Variants in TENM4 observed in about 807,000 individuals in gnomAD.
TENM4 encodes the protein teneurin transmembrane protein 4.
A neutral mutation model predicts 243.3 loss-of-function variants in TENM4; 82 were observed. That is an observed-to-expected ratio of 0.34 (90% CI 0.28 to 0.40). The LOEUF (loss-of-function observed/expected upper bound fraction) is 0.40, where lower values mean the gene tolerates loss of function less well. Ranked by LOEUF, TENM4 falls within the 10% of genes least tolerant of loss-of-function variation. The pLI is 1.00. For synonymous variants in TENM4, 1,412 were observed against 1,456.3 expected (o/e 0.97, Z 0.69); for missense variants, 3,138 against 3,673.3 (o/e 0.85, Z 3.77).
intron 9 of TENM4, among the ~76,000 whole-genome samples, chr11:78,889,567 A>G (rs999122259): frequency 6.6e-6 from 1 of 152,178 alleles, no homozygotes; most frequent in Non-Finnish European, 1.5e-5. Context: ...CCTTCCTGAT[A>G]TAAGTGCAGA....
chr11:79,178,683 A>G (rs1863221482), intron 3 of TENM4, among the ~76,000 whole-genome samples: 1 of 152,122 alleles, frequency 6.6e-6, no homozygotes, highest in African/African-American at 2.4e-5. Flanking sequence ...GATAGCGGGG[A>G]GAAAGGTTGA....
At chr11:79,059,969 C>T (rs1591249837) in intron 6 of TENM4, among the ~76,000 whole-genome samples, 1 of 152,226 alleles carries the variant, frequency 6.6e-6, no homozygotes, top group African/African-American at 2.4e-5. Flanking sequence ...AAGGTGGTCA[C>T]AGCCCTGCCT....
intron 4 of TENM4, among the ~76,000 whole-genome samples, chr11:79,144,777 G>A (rs1053654214): frequency 6.6e-6 from 1 of 152,024 alleles, no homozygotes; most frequent in Non-Finnish European, 1.5e-5. Flanking sequence ...GATTACCAGA[G>A]GTTGGGAAGG....
intron 3 of TENM4, among the ~76,000 whole-genome samples, chr11:79,171,886 T>C (rs547793478): frequency 6.6e-6 from 1 of 152,340 alleles, no homozygotes; most frequent in East Asian, 1.9e-4. Context: ...TTCTCTAAGC[T>C]GGGGTAACCA....
chr11:78,805,277 T>TCCCCACCCACCACACCCCC lies in TENM4; in HGVS notation c.2179+14_2179+15insGGGGGTGTGGTGGGTGGGG. 1.5e-5 allele frequency: 21 copies of TCCCCACCCACCACACCCCC among 1,402,536 alleles called. No homozygotes were observed. The highest frequency in any genetic ancestry group is 2.9e-5 in the African/African-American group (2 of 68,156). 86.9% of individuals were successfully genotyped at this position (1,402,536 alleles called of 1,614,324 possible). On this transcript the variant is annotated intron_variant, in intron 15 of 33. Coordinates refer to ENST00000278550, the MANE Select transcript of TENM4 (RefSeq NM_001098816.3). ...CCCCTCCCTCTACCCATGCTTCTTC[T>TCCCCACCCACCACACCCCC]CCCCCTGCATTTACCGATAGAACAG...
In TENM4 at chr11:79,381,746, A is replaced by G. The variant is rs191541884; in HGVS notation, c.-321+58763T>C. On this transcript the variant is annotated intron_variant, in intron 1 of 33. Transcript: ENST00000278550. ...CACTATTTCATATGTTCCTCCTGACAGCCATATGAAGTCAGTACTCATGTT... is the reference window on the plus strand; with the variant it reads ...CACTATTTCATATGTTCCTCCTGACGGCCATATGAAGTCAGTACTCATGTT... Among the ~76,000 whole-genome samples the G allele has an allele frequency of 3.9e-3, 590 of 152,098 alleles. 15 individuals carry two copies. The highest frequency in any genetic ancestry group is 0.032 in the Admixed American group (493 of 15,268).
At chr11:79,366,802 G>T (rs886411477) in intron 1 of TENM4, among the ~76,000 whole-genome samples, 1 of 152,142 alleles carries the variant, frequency 6.6e-6, no homozygotes, top group African/African-American at 2.4e-5. Context: ...AAACACAGGA[G>T]AAATCACATC....
chr11:78,875,394 G>C (rs1392672329), intron 9 of TENM4, among the ~76,000 whole-genome samples: 1 of 152,118 alleles, frequency 6.6e-6, no homozygotes, highest in South Asian at 2.1e-4. Flanking sequence ...AGTAGAGACA[G>C]GGTTCCAACA....
At chr11:79,043,526 C>T (rs528966195) in intron 6 of TENM4, among the ~76,000 whole-genome samples, 1 of 152,232 alleles carries the variant, frequency 6.6e-6, no homozygotes, top group African/African-American at 2.4e-5. Context: ...ATGTTGGGTA[C>T]ATAACATGAG....
At chr11:78,689,869 G>C (rs558626270) in intron 28 of TENM4, among the ~76,000 whole-genome samples, 100 of 152,306 alleles carry the variant, frequency 6.6e-4, no homozygotes, top group African/African-American at 2.3e-3. Flanking sequence ...TATCACCCCT[G>C]TTTTTGTCCT....
rs1283068356 is a variant in TENM4 at position 79,438,201 on chromosome 11, G to A, written c.-321+2308C>T. Among the ~76,000 whole-genome samples, 1 of 152,134 alleles carries A rather than the reference G, an allele frequency of 6.6e-6. No individual in the cohort carries two copies. The highest frequency in any genetic ancestry group is 1.5e-5 in the Non-Finnish European group (1 of 68,018). ...CAGGGCCAATGTGTCCCAGACTTCA[G>A]CGTTCCCCACGGCTGTGTCAGGGCT... On this transcript the variant is annotated intron_variant, in intron 1 of 33. Transcript: ENST00000278550. This position sits in a 1 kb window ranked among gnomAD's most constrained non-coding sequence, Gnocchi z 4.1.
At chr11:78,947,195 G>T (rs941209984) in intron 6 of TENM4, among the ~76,000 whole-genome samples, 1 of 152,180 alleles carries the variant, frequency 6.6e-6, no homozygotes, top group Admixed American at 6.5e-5. Flanking sequence ...CTGGTCTCAC[G>T]TACACAGTGA....
chr11:79,344,177 A>C (rs991972303), intron 1 of TENM4, among the ~76,000 whole-genome samples: 5 of 152,218 alleles, frequency 3.3e-5, no homozygotes, highest in Non-Finnish European at 7.3e-5. Context: ...ATGAATGAGC[A>C]TATGGAAACT....
intron 2 of TENM4, among the ~76,000 whole-genome samples, chr11:79,236,736 C>T (rs1864481476): frequency 6.6e-6 from 1 of 152,140 alleles, no homozygotes; most frequent in Non-Finnish European, 1.5e-5. Context: ...CAGCTGGAAA[C>T]AATATACTGA....
chr11:78,842,758 C>A (rs367852468), intron 12 of TENM4, among the ~76,000 whole-genome samples: 6 of 152,242 alleles, frequency 3.9e-5, no homozygotes, highest in African/African-American at 1.4e-4. Flanking sequence ...CAAACTCTAG[C>A]CCCTTCACTA....
rs754703622 is a variant in TENM4 at position 78,669,492 on chromosome 11, C to T, written c.6853G>A (p.Gly2285Ser). The change falls in exon 32 of 34, where the codon GGC becomes AGC. Residue 2285 changes from glycine to serine, a missense_variant. Gly to Ser is a moderately conservative substitution (Grantham distance 56). Coordinates refer to ENST00000278550, the MANE Select transcript of TENM4 (RefSeq NM_001098816.3). The surrounding 1 kb of genome is among the most constrained non-coding windows in gnomAD (Gnocchi z 6.4). ...TAGCGGTACCTGACACTCCAGCTGC[C>T]AGCCCGGTTGTAGGCCTTGATGAGC... ...GLLIKAYNRA[G>S]SWSVRYRYDG... The T allele has an allele frequency of 1.9e-6, 3 of 1,613,794 alleles. No individual in the cohort carries two copies. The Admixed American group carries it at 5.0e-5, about 27-fold the overall frequency.
At chr11:78,996,885 C>T (rs931749387) in intron 6 of TENM4, among the ~76,000 whole-genome samples, 2 of 152,182 alleles carry the variant, frequency 1.3e-5, no homozygotes, top group African/African-American at 4.8e-5. Flanking sequence ...CATGGTTCCA[C>T]CTTCCCAGTG....
At chr11:78,837,626 G>A (rs1407344676) in intron 12 of TENM4, among the ~76,000 whole-genome samples, 1 of 152,110 alleles carries the variant, frequency 6.6e-6, no homozygotes, top group Non-Finnish European at 1.5e-5. Flanking sequence ...AAAAAGCAAT[G>A]GTCTCAGAGT....
intron 6 of TENM4, among the ~76,000 whole-genome samples, chr11:79,058,172 T>C (rs551664299): frequency 1.3e-5 from 2 of 152,320 alleles, no homozygotes; most frequent in African/African-American, 4.8e-5. Flanking sequence ...GAAGCATCTC[T>C]AGCATCTATA....
Sources: allele counts gnomAD v4.1 joint callset (sites outside exome capture counted in the v4.1 genomes callset), GRCh38; gene constraint gnomAD v4.1.1; non-coding constraint Gnocchi (gnomAD v3.1); transcripts MANE v1.5; gene names NCBI Gene and HGNC (gene_info 2026-07-23, HGNC 2026-07-21).